PDZRN4: variants seen among roughly 807,000 people sequenced by gnomAD.
The protein encoded by PDZRN4 is PDZ domain-containing RING finger protein 4.
PDZRN4 carries 70 observed loss-of-function variants against 99.0 expected under a neutral mutation model. That is an observed-to-expected ratio of 0.71 (90% CI 0.58 to 0.86). PDZRN4 has a LOEUF of 0.86. PDZRN4 is among the 40% of genes least tolerant of loss of function. The pLI, the probability that PDZRN4 is intolerant of heterozygous loss-of-function variation, is 0.00. For synonymous variants in PDZRN4, 551 were observed against 501.6 expected, an observed-to-expected ratio of 1.10 and a Z score of -1.32; for missense variants, 1,474 against 1,331.2, an observed-to-expected ratio of 1.11 and a Z score of -1.67.
At chr12:41,561,897 T>C (rs1187527430) in intron 7 of PDZRN4, among the ~76,000 whole-genome samples, 4 of 152,044 alleles carry the variant, frequency 2.6e-5, no homozygotes, top group African/African-American at 9.7e-5. Context: ...CTACACTTAA[T>C]AGAGGGTAGG....
intron 3 of PDZRN4, among the ~76,000 whole-genome samples, chr12:41,358,411 T>C (rs562427788): frequency 6.6e-6 from 1 of 152,168 alleles, no homozygotes; most frequent in East Asian, 1.9e-4. Context: ...GCATCATTAT[T>C]ATTCTGCCTT....
chr12:41,376,068 A>G (rs962266140), intron 3 of PDZRN4, among the ~76,000 whole-genome samples: 14 of 152,134 alleles, frequency 9.2e-5, no homozygotes, highest in Admixed American at 9.2e-4. Flanking sequence ...CACAAATAGC[A>G]GGATTTCCTT....
At chr12:41,559,366 C>T (rs1289292636) in intron 7 of PDZRN4, among the ~76,000 whole-genome samples, 1 of 152,104 alleles carries the variant, frequency 6.6e-6, no homozygotes, top group African/African-American at 2.4e-5. Flanking sequence ...GTGTCATTGC[C>T]AGGGACTTAT....
At chr12:41,223,860 A>T (rs893646815) in intron 3 of PDZRN4, among the ~76,000 whole-genome samples, 1 of 152,332 alleles carries the variant, frequency 6.6e-6, no homozygotes, top group East Asian at 1.9e-4. Flanking sequence ...CAGCCCCTTT[A>T]TGACCCTGTG....
intron 3 of PDZRN4, among the ~76,000 whole-genome samples, chr12:41,241,169 T>A (rs1951099705): frequency 6.6e-6 from 1 of 152,162 alleles, no homozygotes; most frequent in South Asian, 2.1e-4. Context: ...GGGTACAGTA[T>A]CCCTCATCCT....
chr12:41,372,897 G>A (rs1375458697), intron 3 of PDZRN4, among the ~76,000 whole-genome samples: 1 of 152,062 alleles, frequency 6.6e-6, no homozygotes, highest in Non-Finnish European at 1.5e-5. Flanking sequence ...CAGATATCAG[G>A]CGAAATTCAG....
chr12:41,483,593 G>A (rs913244496), intron 3 of PDZRN4, among the ~76,000 whole-genome samples: 4 of 152,162 alleles, frequency 2.6e-5, no homozygotes, highest in Admixed American at 6.6e-5. Flanking sequence ...TATTATCTGT[G>A]CTTAGCCTCC....
chr12:41,562,217 T>C (rs1429286972), intron 7 of PDZRN4, among the ~76,000 whole-genome samples: 2 of 152,174 alleles, frequency 1.3e-5, no homozygotes, highest in Non-Finnish European at 2.9e-5. Context: ...TATATATTTT[T>C]ACTATTATTG....
At chr12:41,348,939 T>A (rs1951873160) in intron 3 of PDZRN4, among the ~76,000 whole-genome samples, 1 of 152,012 alleles carries the variant, frequency 6.6e-6, no homozygotes, top group South Asian at 2.1e-4. Context: ...TCCATCTATG[T>A]ACGTATATGA....
Position 41,233,373 on chromosome 12 carries a change from A to G in PDZRN4, c.843+39185A>G, listed in dbSNP as rs377701673. Among the ~76,000 whole-genome samples the G allele has an allele frequency of 5.1e-4, 78 of 152,272 alleles. No homozygotes were observed. In the South Asian group the frequency reaches 0.016, roughly 31 times the overall value. On this transcript the variant is annotated intron_variant, in intron 3 of 9. Coordinates refer to ENST00000402685, the MANE Select transcript of PDZRN4 (RefSeq NM_001164595.2). ...AACTAGTTCAACCATTGTTGGAGTC[A>G]GTGTGGCGATTCCTCAGGGATCGAG... is the stretch of plus-strand genomic sequence containing the variant.
At chr12:41,299,345 T>A (rs1951517806) in intron 3 of PDZRN4, among the ~76,000 whole-genome samples, 1 of 151,926 alleles carries the variant, frequency 6.6e-6, no homozygotes, top group Non-Finnish European at 1.5e-5. Context: ...ATGAGTAGAG[T>A]TAGATTTTTC....
At chr12:41,443,505 AT>A (rs923353870) in intron 3 of PDZRN4, among the ~76,000 whole-genome samples, 2 of 152,028 alleles carry the variant, frequency 1.3e-5, no homozygotes, top group Non-Finnish European at 1.5e-5. Flanking sequence ...TTTTCTGTTC[AT>A]TTTTTTAAGA....
chr12:41,381,431 T>C (rs1237167842), intron 3 of PDZRN4, among the ~76,000 whole-genome samples: 1 of 152,114 alleles, frequency 6.6e-6, no homozygotes, highest in Non-Finnish European at 1.5e-5. Context: ...TTTGTTATTC[T>C]TTCTTTTTGC....
In PDZRN4 at chr12:41,523,571, C is replaced by T. The variant is rs192636432; in HGVS notation, c.1203+13658C>T. ...TTCGTATTAGAGACTGTCTCAGGTA[C>T]TGGGAACACAGGGGGCAACAACATG... is the stretch of plus-strand genomic sequence containing the variant. On this transcript the variant is annotated intron_variant, in intron 5 of 9. Coordinates refer to ENST00000402685, the MANE Select transcript of PDZRN4 (RefSeq NM_001164595.2). Among the ~76,000 whole-genome samples the T allele has an allele frequency of 6.5e-4, 99 of 152,158 alleles. 1 individual carries two copies. Among genetic ancestry groups the T allele is most frequent in the African/African-American group, 1.8e-3 (74 of 41,534 alleles).
At chr12:41,313,011 C>G (rs1297264737) in intron 3 of PDZRN4, among the ~76,000 whole-genome samples, 1 of 152,172 alleles carries the variant, frequency 6.6e-6, no homozygotes, top group Non-Finnish European at 1.5e-5. Flanking sequence ...AACATAAACT[C>G]AGGACACTTA....
intron 5 of PDZRN4, among the ~76,000 whole-genome samples, chr12:41,535,597 C>A (rs1196681353): frequency 1.3e-5 from 2 of 152,150 alleles, no homozygotes; most frequent in Non-Finnish European, 2.9e-5. Flanking sequence ...ATTTAATCTC[C>A]CATACTGCAG....
Position 41,211,983 on chromosome 12 carries a change from C to A in PDZRN4, c.843+17795C>A, listed in dbSNP as rs548590796. Among the ~76,000 whole-genome samples, 3 of 151,974 alleles carry A rather than the reference C, an allele frequency of 2.0e-5. No homozygotes were observed. In the East Asian group the frequency reaches 5.8e-4, roughly 30 times the overall value. ...GCCTTAGTTTAGTTTTATGGAGAAA[C>A]TCCCTTTGCATATTTTATTTTATAT... is the stretch of plus-strand genomic sequence containing the variant. On this transcript the variant is annotated intron_variant, in intron 3 of 9. Coordinates refer to ENST00000402685, the MANE Select transcript of PDZRN4 (RefSeq NM_001164595.2).
At chr12:41,431,238 A>G (rs565840136) in intron 3 of PDZRN4, among the ~76,000 whole-genome samples, 48 of 152,234 alleles carry the variant, frequency 3.2e-4, no homozygotes, top group Non-Finnish European at 4.8e-4. Flanking sequence ...TATTGGGCAC[A>G]TACGTACTCT....
chr12:41,533,219 G>A (rs1049370902), intron 5 of PDZRN4, among the ~76,000 whole-genome samples: 2 of 150,094 alleles, frequency 1.3e-5, no homozygotes, highest in Non-Finnish European at 3.0e-5. Flanking sequence ...CTGTCCCCCA[G>A]GCTGGAGGGC....
Sources: gnomAD v4.1 joint callset for allele counts (sites outside exome capture counted in the v4.1 genomes callset) on GRCh38, gnomAD v4.1.1 for gene constraint, MANE v1.5 for transcripts, NCBI Gene and HGNC (gene_info 2026-07-23, HGNC 2026-07-21) for gene names.